The following STAU2 variants were observed in gnomAD, a reference collection of about 807,000 sequenced individuals.
STAU2 encodes the protein staufen double-stranded RNA binding protein 2, also known as double-stranded RNA-binding protein Staufen homolog 2.
STAU2 carries 20 observed loss-of-function variants against 65.9 expected under a neutral mutation model. The observed-to-expected ratio is 0.30, with a 90% CI of 0.21 to 0.44. The LOEUF is 0.44. Among genes scored for constraint, STAU2 ranks in the 20% least tolerant of loss-of-function variants. The pLI is 1.00. For synonymous variants in STAU2, 232 were observed against 233.9 expected, an observed-to-expected ratio of 0.99 and a Z score of 0.07; for missense variants, 558 against 683.9, an observed-to-expected ratio of 0.82 and a Z score of 2.05.
chr8:73,505,407 C>A (rs1256710669), intron 13 of STAU2, among the ~76,000 whole-genome samples: 2 of 151,790 alleles, frequency 1.3e-5, no homozygotes, highest in East Asian at 1.9e-4. Flanking sequence ...AGGCAGGTCA[C>A]AAAGTTAAAG....
At chr8:73,492,250 T>C (rs1436394822) in intron 13 of STAU2, among the ~76,000 whole-genome samples, 1 of 151,954 alleles carries the variant, frequency 6.6e-6, no homozygotes, top group East Asian at 1.9e-4. Flanking sequence ...CAGGTATCCA[T>C]TAAATGAGCT....
chr8:73,433,206 T>A (rs976200015), intron 13 of STAU2, among the ~76,000 whole-genome samples: 1 of 152,140 alleles, frequency 6.6e-6, no homozygotes, highest in African/African-American at 2.4e-5. Context: ...TTGTCATTTA[T>A]TTATTTATTT....
chr8:73,542,671 C>G (rs1460118623), intron 13 of STAU2, among the ~76,000 whole-genome samples: 1 of 152,076 alleles, frequency 6.6e-6, no homozygotes, highest in Non-Finnish European at 1.5e-5. Context: ...AAGATGTGGA[C>G]ACTTCGCAAA....
chr8:73,719,984 A>T (rs762169205), intron 3 of STAU2, among the ~76,000 whole-genome samples: 1 of 152,204 alleles, frequency 6.6e-6, no homozygotes, highest in African/African-American at 2.4e-5. Context: ...TTTAGCATAT[A>T]AAAAGCTACT....
intron 6 of STAU2, among the ~76,000 whole-genome samples, chr8:73,656,898 C>A (rs759237380): frequency 3.3e-5 from 5 of 152,166 alleles, no homozygotes; most frequent in Non-Finnish European, 7.4e-5. Context: ...AAAAGTTGTA[C>A]TAGCTTAATG....
At chr8:73,628,731 T>C (rs1027676989) in intron 6 of STAU2, among the ~76,000 whole-genome samples, 6 of 152,202 alleles carry the variant, frequency 3.9e-5, no homozygotes, top group Non-Finnish European at 7.3e-5. Context: ...GATACAAACA[T>C]ACTGGATTTT....
At chr8:73,741,773 A>G (rs1806901906) in intron 1 of STAU2, among the ~76,000 whole-genome samples, 2 of 152,220 alleles carry the variant, frequency 1.3e-5, no homozygotes, top group Admixed American at 6.5e-5. Context: ...TCGGCCTCCC[A>G]AAGTGCCAAG....
At chr8:73,569,514 A>C (rs1056472630) in intron 12 of STAU2, among the ~76,000 whole-genome samples, 1 of 152,098 alleles carries the variant, frequency 6.6e-6, no homozygotes, top group African/African-American at 2.4e-5. Context: ...TGCCACCTCA[A>C]GTGGGTCCCT....
chr8:73,528,291 TTC>T (rs573740075), intron 13 of STAU2, among the ~76,000 whole-genome samples: 1 of 152,216 alleles, frequency 6.6e-6, no homozygotes, highest in Non-Finnish European at 1.5e-5. Context: ...CTATATCATG[TTC>T]TGTTTGAAAT....
intron 6 of STAU2, among the ~76,000 whole-genome samples, chr8:73,669,724 A>G (rs895119394): frequency 1.3e-5 from 2 of 151,736 alleles, no homozygotes; most frequent in East Asian, 1.9e-4. Flanking sequence ...ATCAAAAGCA[A>G]CCTTCTCAGT....
intron 4 of STAU2, among the ~76,000 whole-genome samples, chr8:73,699,352 G>GA (rs998218667): frequency 2.0e-5 from 3 of 151,732 alleles, no homozygotes; most frequent in African/African-American, 4.8e-5. Context: ...AATTTGAAAT[G>GA]AAAAAATTAT....
intron 13 of STAU2, among the ~76,000 whole-genome samples, chr8:73,548,253 TAAA>T (rs761335258): frequency 1.5e-5 from 2 of 130,716 alleles, no homozygotes; most frequent in African/African-American, 2.8e-5. Context: ...TACCTTATTC[TAAA>T]AAAAAAAAAA....
intron 12 of STAU2, among the ~76,000 whole-genome samples, chr8:73,557,212 G>A (rs972733351): frequency 6.6e-6 from 1 of 152,168 alleles, no homozygotes; most frequent in Admixed American, 6.5e-5. Flanking sequence ...ATAAGAACGT[G>A]GAGTTCAGGC....
chr8:73,469,085 G>A (rs913984972), intron 13 of STAU2, among the ~76,000 whole-genome samples: 6 of 152,178 alleles, frequency 3.9e-5, no homozygotes, highest in Non-Finnish European at 8.8e-5. Context: ...ACTGGATTAA[G>A]AAAATGTGGC....
intron 13 of STAU2, among the ~76,000 whole-genome samples, chr8:73,526,204 C>T (rs892122914): frequency 4.6e-5 from 7 of 152,180 alleles, no homozygotes; most frequent in African/African-American, 1.7e-4. Context: ...TAACCCAACT[C>T]CTTCATTTAA....
At chr8:73,534,254 G>A (rs553591191) in intron 13 of STAU2, among the ~76,000 whole-genome samples, 11 of 152,162 alleles carry the variant, frequency 7.2e-5, no homozygotes, top group Admixed American at 2.6e-4. Context: ...TAAACCTTAG[G>A]AGATTCAAAA....
intron 11 of STAU2, among the ~76,000 whole-genome samples, chr8:73,585,726 C>T (rs914563450): frequency 6.6e-6 from 1 of 152,170 alleles, no homozygotes; most frequent in African/African-American, 2.4e-5. Context: ...TACTGTACCC[C>T]TCAGACACAA....
intron 13 of STAU2, among the ~76,000 whole-genome samples, chr8:73,540,300 G>A (rs1289559585): frequency 2.0e-5 from 3 of 152,206 alleles, no homozygotes; most frequent in Non-Finnish European, 4.4e-5. Flanking sequence ...GATGGAGGCA[G>A]AAACTGGAAT....
intron 6 of STAU2, among the ~76,000 whole-genome samples, chr8:73,664,590 A>G (rs112863543): frequency 2.0e-5 from 3 of 152,200 alleles, no homozygotes; most frequent in Admixed American, 6.5e-5. Context: ...TGGGTTAATT[A>G]CTTTGATTAC....
Sources: allele counts gnomAD v4.1 joint callset (sites outside exome capture counted in the v4.1 genomes callset), GRCh38; gene constraint gnomAD v4.1.1; transcripts MANE v1.5; gene names NCBI Gene and HGNC (gene_info 2026-07-23, HGNC 2026-07-21).